TBC1D5: variants seen among roughly 807,000 people sequenced by gnomAD.
The protein encoded by TBC1D5 is TBC1 domain family member 5.
Under a neutral mutation model 100.3 loss-of-function variants are expected in TBC1D5, and 75 were observed. The observed-to-expected ratio is 0.75, with a 90% CI of 0.62 to 0.91. The LOEUF (loss-of-function observed/expected upper bound fraction) is 0.91, where lower values mean the gene tolerates loss of function less well. Among genes scored for constraint, TBC1D5 ranks in the 40% least tolerant of loss-of-function variants. The pLI, the probability that TBC1D5 is intolerant of heterozygous loss-of-function variation, is 0.00. For synonymous variants in TBC1D5, 323 were observed against 325.6 expected, an observed-to-expected ratio of 0.99 and a Z score of 0.09; for missense variants, 910 against 942.4, an observed-to-expected ratio of 0.97 and a Z score of 0.45.
At chr3:17,679,525 G>T (rs1216537197) in intron 1 of TBC1D5, among the ~76,000 whole-genome samples, 1 of 151,364 alleles carries the variant, frequency 6.6e-6, no homozygotes, top group East Asian at 1.9e-4. Context: ...TAACTTTGCT[G>T]TTAAAAGAAG....
intron 1 of TBC1D5, among the ~76,000 whole-genome samples, chr3:17,683,261 A>C (rs1410149690): frequency 6.6e-6 from 1 of 151,326 alleles, no homozygotes; most frequent in East Asian, 1.9e-4. Flanking sequence ...CAATATGTAC[A>C]TGTGTGACCC....
intron 4 of TBC1D5, among the ~76,000 whole-genome samples, chr3:17,425,606 G>T (rs1053442591): frequency 6.6e-5 from 10 of 152,150 alleles, no homozygotes; most frequent in South Asian, 2.1e-4. Flanking sequence ...GCCAGCCTGG[G>T]TGACAGAGTG....
At chr3:17,363,678 G>A (rs929943867) in intron 13 of TBC1D5, among the ~76,000 whole-genome samples, 14 of 151,362 alleles carry the variant, frequency 9.2e-5, no homozygotes, top group Non-Finnish European at 1.8e-4. Flanking sequence ...CTCTCAAAGC[G>A]CTGCGATTAT....
At chr3:17,550,848 CCTGA>C (rs1261730646) in intron 2 of TBC1D5, among the ~76,000 whole-genome samples, 13 of 151,822 alleles carry the variant, frequency 8.6e-5, no homozygotes, top group African/African-American at 3.1e-4. Context: ...CTGTCATCAC[CCTGA>C]CTTTTACAAT....
intron 13 of TBC1D5, among the ~76,000 whole-genome samples, chr3:17,353,542 C>A (rs112705531): frequency 6.6e-6 from 1 of 151,996 alleles, no homozygotes; most frequent in East Asian, 1.9e-4. Context: ...TATGTGAATG[C>A]GAAGCCATCA....
chr3:17,168,310 A>G (rs772100875), intron 19 of TBC1D5, among the ~76,000 whole-genome samples: 2 of 152,238 alleles, frequency 1.3e-5, no homozygotes, highest in Non-Finnish European at 2.9e-5. Context: ...CCATTTCAAC[A>G]TAATAGTAAA....
intron 1 of TBC1D5, among the ~76,000 whole-genome samples, chr3:17,658,773 G>A (rs527927348): frequency 6.6e-6 from 1 of 152,064 alleles, no homozygotes; most frequent in East Asian, 1.9e-4. Flanking sequence ...AGCGATTCTC[G>A]TGCCTCAGCC....
At chr3:17,350,468 C>T (rs935736274) in intron 13 of TBC1D5, among the ~76,000 whole-genome samples, 2 of 152,120 alleles carry the variant, frequency 1.3e-5, no homozygotes, top group African/African-American at 4.8e-5. Flanking sequence ...ACATTATATA[C>T]TTTTTTATTT....
chr3:17,339,100 G>C (rs1280022304), intron 13 of TBC1D5, among the ~76,000 whole-genome samples: 1 of 152,214 alleles, frequency 6.6e-6, no homozygotes, highest in Non-Finnish European at 1.5e-5. Flanking sequence ...AGTACTGAAA[G>C]TGCAATTGTG....
rs187347873 is a variant in TBC1D5, at chr3:17,646,124, T to A, written c.-100-22211A>T. Among the ~76,000 whole-genome samples the A allele has an allele frequency of 7.9e-5, 12 of 151,874 alleles. No homozygotes were observed. The East Asian group carries it at 1.9e-3, about 24-fold the overall frequency. ...ATGACTGATGTCTTTATAAGAAGGG[T>A]AAATTTGGATGCAGACAGACACTCA... On this transcript the variant is annotated intron_variant, in intron 1 of 21. Transcript: ENST00000253692.
intron 13 of TBC1D5, among the ~76,000 whole-genome samples, chr3:17,356,603 A>C (rs943221035): frequency 4.6e-5 from 7 of 152,356 alleles, no homozygotes; most frequent in African/African-American, 1.7e-4. Context: ...AACTGAAGAA[A>C]TTTTTAAAAG....
At chr3:17,317,704 A>G (rs2084871004) in intron 13 of TBC1D5, among the ~76,000 whole-genome samples, 1 of 152,238 alleles carries the variant, frequency 6.6e-6, no homozygotes, top group South Asian at 2.1e-4. Context: ...TAAAATAATC[A>G]CACGCAATTT....
At chr3:17,653,270 T>C (rs2065754547) in intron 1 of TBC1D5, among the ~76,000 whole-genome samples, 1 of 152,110 alleles carries the variant, frequency 6.6e-6, no homozygotes, top group Admixed American at 6.5e-5. Context: ...CACTTGATTT[T>C]ATGTTATATG....
At chr3:17,343,450 C>A (rs1222638839) in intron 13 of TBC1D5, among the ~76,000 whole-genome samples, 6 of 149,608 alleles carry the variant, frequency 4.0e-5, no homozygotes, top group Non-Finnish European at 5.9e-5. Context: ...TGTCTCTGCC[C>A]GGCTTTGGTA....
chr3:17,167,067 A>ATT (rs1559336895), intron 20 of TBC1D5, 139 bp from the exon 22 acceptor site: 6 of 892,686 alleles, frequency 6.7e-6, no homozygotes, highest in Non-Finnish European at 7.9e-6. Flanking sequence ...TTACTATAAG[A>ATT]AACAAATAAT....
chr3:17,271,223 G>A (rs1250564604), intron 15 of TBC1D5, among the ~76,000 whole-genome samples: 1 of 151,998 alleles, frequency 6.6e-6, no homozygotes, highest in African/African-American at 2.4e-5. Flanking sequence ...ACATTTTAAT[G>A]GTATTAATTC....
At chr3:17,387,130 A>G (rs1421459228) in intron 8 of TBC1D5, among the ~76,000 whole-genome samples, 1 of 152,158 alleles carries the variant, frequency 6.6e-6, no homozygotes, top group Non-Finnish European at 1.5e-5. Flanking sequence ...CGAATAAGTA[A>G]GGTAGAAAGA....
At chr3:17,408,268 A>AACACACACACACAC (rs3041146) in intron 4 of TBC1D5, among the ~76,000 whole-genome samples, 18 of 144,114 alleles carry the variant, frequency 1.2e-4, no homozygotes, top group East Asian at 4.3e-4. Flanking sequence ...AAGACTATCC[A>AACACACACACACAC]ACACACACAC....
chr3:17,644,530 G>A (rs1291268871), intron 1 of TBC1D5, among the ~76,000 whole-genome samples: 1 of 152,080 alleles, frequency 6.6e-6, no homozygotes, highest in African/African-American at 2.4e-5. Context: ...TAATGAGTAA[G>A]TACTGACAAC....
Sources: gnomAD v4.1 joint callset for allele counts (sites outside exome capture counted in the v4.1 genomes callset) on GRCh38, gnomAD v4.1.1 for gene constraint, MANE v1.5 for transcripts, NCBI Gene and HGNC (gene_info 2026-07-23, HGNC 2026-07-21) for gene names.